XKR4: variants seen among roughly 807,000 people sequenced by gnomAD.
XKR4 encodes XK-related protein 4.
In XKR4, 12 loss-of-function variants were observed where a neutral mutation model predicts 53.9. The ratio of observed to expected loss-of-function variants is 0.22; its 90% CI spans 0.14 to 0.36. XKR4 has a LOEUF of 0.36. Among genes scored for constraint, XKR4 ranks in the 10% least tolerant of loss-of-function variants. XKR4 has a pLI of 1.00. For missense variants in XKR4, 799 were observed against 859.5 expected (o/e 0.93, Z 0.88); for synonymous variants, 354 against 362.4 (o/e 0.98, Z 0.26).
intron 1 of XKR4, among the ~76,000 whole-genome samples, chr8:55,107,030 C>T (rs746648766): frequency 5.9e-5 from 9 of 152,112 alleles, no homozygotes; most frequent in Non-Finnish European, 8.8e-5. Context: ...TTTTTAAAGT[C>T]ACATCTATTA....
intron 1 of XKR4, among the ~76,000 whole-genome samples, chr8:55,346,079 T>C (rs1294805066): frequency 6.7e-6 from 1 of 148,586 alleles, no homozygotes; most frequent in Non-Finnish European, 1.5e-5. Flanking sequence ...CATTTTCTTT[T>C]TCTTTTTTTT....
chr8:55,150,251 C>G (rs1470075587), intron 1 of XKR4, among the ~76,000 whole-genome samples: 1 of 152,152 alleles, frequency 6.6e-6, no homozygotes, highest in Non-Finnish European at 1.5e-5. Context: ...AACTGTATTT[C>G]TGTGCCATTT....
chr8:55,497,823 T>C (rs954803789), intron 2 of XKR4, among the ~76,000 whole-genome samples: 2 of 152,202 alleles, frequency 1.3e-5, no homozygotes, highest in African/African-American at 2.4e-5. Context: ...AGCCGGATCC[T>C]GTCACCTCTC....
chr8:55,132,953 A>G (rs1816578614), intron 1 of XKR4, among the ~76,000 whole-genome samples: 1 of 152,170 alleles, frequency 6.6e-6, no homozygotes, highest in South Asian at 2.1e-4. Flanking sequence ...TCATCAGGTA[A>G]GCTTAGTCCT....
At chr8:55,399,416 C>G (rs1241773688) in intron 2 of XKR4, among the ~76,000 whole-genome samples, 1 of 152,230 alleles carries the variant, frequency 6.6e-6, no homozygotes, top group African/African-American at 2.4e-5. Flanking sequence ...CTAACTTCTT[C>G]CTGATGATAG....
At chr8:55,421,419 T>C (rs1275895445) in intron 2 of XKR4, among the ~76,000 whole-genome samples, 3 of 152,202 alleles carry the variant, frequency 2.0e-5, no homozygotes, top group Admixed American at 6.5e-5. Context: ...ATCCAACCAA[T>C]GGGCCATGGA....
chr8:55,412,594 A>C (rs1585561484), intron 2 of XKR4, among the ~76,000 whole-genome samples: 1 of 152,206 alleles, frequency 6.6e-6, no homozygotes, highest in African/African-American at 2.4e-5. Context: ...ATGAAACAGA[A>C]ACATTTTCAA....
At chr8:55,466,400 CCTCG>C (rs1805769277) in intron 2 of XKR4, among the ~76,000 whole-genome samples, 1 of 151,890 alleles carries the variant, frequency 6.6e-6, no homozygotes, top group African/African-American at 2.4e-5. Flanking sequence ...AAACCAAACA[CCTCG>C]TGTTCTCACT....
intron 1 of XKR4, among the ~76,000 whole-genome samples, chr8:55,150,050 A>C (rs537402595): frequency 3.5e-4 from 54 of 152,190 alleles, no homozygotes; most frequent in Non-Finnish European, 4.3e-4. Flanking sequence ...ATCCCAGACA[A>C]ATCAGCCTAA....
intron 2 of XKR4, among the ~76,000 whole-genome samples, chr8:55,361,658 G>A (rs1416736439): frequency 6.6e-6 from 1 of 151,958 alleles, no homozygotes; most frequent in African/African-American, 2.4e-5. Context: ...AACTACTTCA[G>A]TGTTCCCCTT....
intron 2 of XKR4, among the ~76,000 whole-genome samples, chr8:55,416,388 G>A (rs12547837): frequency 2.6e-5 from 4 of 152,300 alleles, no homozygotes; most frequent in Admixed American, 2.0e-4. Context: ...TAAATTACAT[G>A]CTCACCATGT....
intron 1 of XKR4, among the ~76,000 whole-genome samples, chr8:55,191,441 C>T (rs1817442929): frequency 6.6e-6 from 1 of 152,126 alleles, no homozygotes; most frequent in Non-Finnish European, 1.5e-5. Context: ...CCACTTTGGC[C>T]AGTAGAGCTC....
At chr8:55,523,141 CA>C (rs35183687) in intron 2 of XKR4, 139 bp from the exon 3 acceptor site, 177,094 of 576,486 alleles carry the variant, frequency 0.31, 4,631 homozygotes, top group East Asian at 0.39. Flanking sequence ...GACTCTGTCT[CA>C]AAAAAAAAAA....
At chr8:55,349,403 T>C (rs1241001357) in intron 1 of XKR4, among the ~76,000 whole-genome samples, 1 of 152,216 alleles carries the variant, frequency 6.6e-6, no homozygotes, top group Non-Finnish European at 1.5e-5. Context: ...AACCTGGTAT[T>C]GGGATATCGG....
intron 1 of XKR4, among the ~76,000 whole-genome samples, chr8:55,317,406 G>A (rs1819493628): frequency 6.6e-6 from 1 of 152,066 alleles, no homozygotes; most frequent in African/African-American, 2.4e-5. Context: ...TGAGGCTGGG[G>A]TTTTAGTCTA....
At chr8:55,385,180 A>C (rs78014995) in intron 2 of XKR4, among the ~76,000 whole-genome samples, 2,001 of 152,258 alleles carry the variant, frequency 0.013, 48 homozygotes, top group African/African-American at 0.046. Context: ...CTGGTTCTGA[A>C]GGCCTTACTA....
chr8:55,507,663 G>A (rs2456577), intron 2 of XKR4, among the ~76,000 whole-genome samples: 96,210 of 151,724 alleles, frequency 0.63, 32,095 homozygotes, highest in East Asian at 0.86. Context: ...CCATGTCCCT[G>A]CAAAGGACAT....
intron 2 of XKR4, among the ~76,000 whole-genome samples, chr8:55,422,970 A>G (rs1804957665): frequency 6.6e-6 from 1 of 152,204 alleles, no homozygotes; most frequent in Non-Finnish European, 1.5e-5. Flanking sequence ...GGCAGGTAAT[A>G]GGCTTATTTA....
At chr8:55,449,866 G>A (rs926460784) in intron 2 of XKR4, 4 of 970,592 alleles carry the variant, frequency 4.1e-6, no homozygotes, top group East Asian at 2.4e-5. Flanking sequence ...GGAACTGGCT[G>A]TAAGGGTGCT....
Sources: gnomAD v4.1 joint callset for allele counts (sites outside exome capture counted in the v4.1 genomes callset) on GRCh38, gnomAD v4.1.1 for gene constraint, MANE v1.5 for transcripts, NCBI Gene and HGNC (gene_info 2026-07-23, HGNC 2026-07-21) for gene names.